The following ZNF212 variants were observed in gnomAD, a reference collection of about 807,000 sequenced individuals.
The protein encoded by ZNF212 is Zinc finger protein C2H2-150.
A neutral mutation model predicts 47.3 loss-of-function variants in ZNF212; 32 were observed. That is an observed-to-expected ratio of 0.68 (90% CI 0.51 to 0.91). ZNF212 has a LOEUF of 0.91. ZNF212 is among the 40% of genes least tolerant of loss of function. ZNF212 has a pLI of 0.00. For missense variants in ZNF212, 555 were observed against 622.8 expected (o/e 0.89, Z 1.16); for synonymous variants, 242 against 253.8 (o/e 0.95, Z 0.44).
In ZNF212 at chr7:149,251,568, G is replaced by T. The variant is rs574888999; in HGVS notation, c.541+761G>T. ...AGTGGTACGATCTCGGCTCACTGCA[G>T]CCTTGACAGCTTGGGCTCAAATGAT... On this transcript the variant is annotated intron_variant, in intron 3 of 4. Transcript: ENST00000335870. Among the ~76,000 whole-genome samples the T allele has an allele frequency of 2.1e-5, 3 of 141,162 alleles. No individual in the cohort carries two copies. The South Asian group carries it at 6.7e-4, about 31-fold the overall frequency. 92.6% of individuals were successfully genotyped at this position (141,162 alleles called of 152,430 possible). A position where few individuals can be genotyped will look rare whatever the true frequency, so the allele number is the denominator to read the frequency against.
intron 3 of ZNF212, 61 bp downstream of exon 3, chr7:149,250,868 G>A: frequency 6.2e-7 from 1 of 1,603,216 alleles, no homozygotes; most frequent in Non-Finnish European, 8.5e-7. Context: ...CTGGCTGGCA[G>A]CCTGTAATTC....
At chr7:149,240,296 C>T (rs1796568486) in intron 1 of ZNF212, among the ~76,000 whole-genome samples, 1 of 152,188 alleles carries the variant, frequency 6.6e-6, no homozygotes, top group Non-Finnish European at 1.5e-5. Context: ...TTGAAGTCAG[C>T]CTGGGCTGCT....
intron 1 of ZNF212, 49 bp downstream of exon 1, chr7:149,239,851 A>T: frequency 7.9e-7 from 1 of 1,265,026 alleles, no homozygotes; most frequent in Non-Finnish European, 1.0e-6. Flanking sequence ...GGGATGGCGG[A>T]GTCCCCTGCC....
Position 149,250,245 on chromosome 7 carries a change from C to T in ZNF212, c.111C>T (p.Thr37=), listed in dbSNP as rs762014584. 7.6e-5 allele frequency: 122 copies of T among 1,606,162 alleles called. No individual in the cohort carries two copies. The highest frequency in any genetic ancestry group is 3.8e-4 in the Admixed American group (22 of 58,564). Residue 37 remains threonine, a synonymous_variant, in exon 2 of 5, where the codon ACC becomes ACT. Coordinates refer to ENST00000335870, the MANE Select transcript of ZNF212 (RefSeq NM_012256.4). ...ATEKSSYFQT[T]EISLWTVVAA... is the part of the protein sequence containing the mutation. ...AGAAAAGCTCCTATTTTCAGACCAC[C>T]GAGATTTCACTCTGGACGGTGGTGG...
intron 1 of ZNF212, chr7:149,240,082 C>T (rs1406571404): frequency 2.6e-6 from 1 of 385,350 alleles, no homozygotes; most frequent in African/African-American, 2.1e-5. Context: ...ACCCTGCCCA[C>T]ACATTTTCTC....
intron 1 of ZNF212, among the ~76,000 whole-genome samples, chr7:149,245,258 G>A (rs973351306): frequency 6.6e-6 from 1 of 151,736 alleles, no homozygotes; most frequent in African/African-American, 2.4e-5. Flanking sequence ...GGCTGAGGCA[G>A]GAGAATCACT....
At chr7:149,249,712 C>T (rs1796725890) in intron 1 of ZNF212, among the ~76,000 whole-genome samples, 1 of 152,328 alleles carries the variant, frequency 6.6e-6, no homozygotes, top group South Asian at 2.1e-4. Flanking sequence ...ACTGTAGCCT[C>T]AACCTCCTGG....
intron 1 of ZNF212, among the ~76,000 whole-genome samples, chr7:149,243,194 C>G (rs976730565): frequency 6.6e-6 from 1 of 151,976 alleles, no homozygotes; most frequent in Non-Finnish European, 1.5e-5. Context: ...GAAATTGAGA[C>G]CATCCTGGCT....
intron 3 of ZNF212, 88 bp from the exon 4 acceptor site, chr7:149,252,618 C>T (rs562071007): frequency 1.7e-6 from 2 of 1,145,352 alleles, no homozygotes; most frequent in African/African-American, 3.0e-5. Context: ...TCCTCCCTGC[C>T]ATTGGTCATC....
rs140073696 is a variant in ZNF212 at position 149,253,130 on chromosome 7, A to G, written c.631+335A>G. ...AGGCAGTGCAGGAAAAGCACTTGTC[A>G]GTAGGTAATTTGGGAGGTTATGGAG... On this transcript the variant is annotated intron_variant, in intron 4 of 4. Coordinates refer to ENST00000335870, the MANE Select transcript of ZNF212 (RefSeq NM_012256.4). Among the ~76,000 whole-genome samples, 15 of 152,294 alleles carry G rather than the reference A, an allele frequency of 9.8e-5. No individual in the cohort carries two copies. The East Asian group carries it at 2.9e-3, about 29-fold the overall frequency.
chr7:149,252,406 C>G (rs1796772979), intron 3 of ZNF212, among the ~76,000 whole-genome samples: 2 of 152,166 alleles, frequency 1.3e-5, no homozygotes, highest in Admixed American at 1.3e-4. Flanking sequence ...GCTGCACGCA[C>G]ATGGAGAGGC....
rs569595213 is a variant in ZNF212, at chr7:149,241,506, A to C, written c.24+1704A>C. ...AATAACATGAATCTGTCGTTGTAGA[A>C]CTTATTCAAATTGTTCTTGAGCCTG... On this transcript the variant is annotated intron_variant, in intron 1 of 4. Coordinates refer to ENST00000335870, the MANE Select transcript of ZNF212 (RefSeq NM_012256.4). 2.0e-5 allele frequency among the ~76,000 whole-genome samples: 3 copies of C among 152,142 alleles called. No homozygotes were observed. The South Asian group carries it at 6.2e-4, about 32-fold the overall frequency.
chr7:149,250,371 C>G lies in ZNF212; in HGVS notation c.237C>G (p.Cys79Trp). Residue 79 changes from cysteine to tryptophan, a missense_variant, in exon 2 of 5, where the codon TGC becomes TGG. Cys to Trp is a radical substitution (Grantham distance 215). Transcript: ENST00000335870. Reference sequence around the variant, plus strand: ...CAGCCGAGAAGAAGCTGGCTGACTGCGAGAAGATGGCCGTGGAGTTCGGGA... The same window carrying G: ...CAGCCGAGAAGAAGCTGGCTGACTGGGAGAAGATGGCCGTGGAGTTCGGGA... Reference protein sequence around the residue: ...TGTAEKKLADCEKMAVEFGNQ... With the variant: ...TGTAEKKLADWEKMAVEFGNQ... 6.2e-7 allele frequency: 1 copy of G among 1,614,156 alleles called. No homozygotes were observed. Among genetic ancestry groups the G allele is most frequent in the Non-Finnish European group, 8.5e-7 (1 of 1,180,030 alleles).
intron 1 of ZNF212, 98 bp from the exon 2 acceptor site, chr7:149,250,061 A>G (rs1796730385): frequency 8.2e-7 from 1 of 1,222,008 alleles, no homozygotes; most frequent in Non-Finnish European, 1.1e-6. Context: ...TTTTTAATTA[A>G]AAGAAACTAG....
rs369658647 is a variant in ZNF212 at position 149,240,402 on chromosome 7, C to T, written c.24+600C>T. 3.0e-3 allele frequency among the ~76,000 whole-genome samples: 455 copies of T among 151,372 alleles called. 1 individual carries two copies. Among genetic ancestry groups the T allele is most frequent in the African/African-American group, 0.011 (433 of 41,084 alleles). ...CCTTCACCCCCCCCCCAACACCCCCCTCCCAGCCCACCGACCATCCCCATT... is the reference window on the plus strand; with the variant it reads ...CCTTCACCCCCCCCCCAACACCCCCTTCCCAGCCCACCGACCATCCCCATT... On this transcript the variant is annotated intron_variant, in intron 1 of 4. Coordinates refer to ENST00000335870, the MANE Select transcript of ZNF212 (RefSeq NM_012256.4).
rs148835231 is a variant in ZNF212 at position 149,249,532 on chromosome 7, A to G, written c.25-627A>G. On this transcript the variant is annotated intron_variant, in intron 1 of 4. Transcript: ENST00000335870. ...ATGCTAAGCATAAAGCATAGGTAAC[A>G]GAACATACACGCTATAATTTCACTT... 1.1e-4 allele frequency among the ~76,000 whole-genome samples: 17 copies of G among 152,382 alleles called. 2 individuals are homozygous for G. The highest frequency in any genetic ancestry group is 4.1e-4 in the African/African-American group (17 of 41,588).
rs773120350 is a variant in ZNF212 at position 149,253,540 on chromosome 7, G to T, written c.632-19G>T. ...TACTAGAATGTGATCTTTTTTGTTG[G>T]TCTTCTTCCACTTTGCAGCAGGTGG... On this transcript the variant is annotated intron_variant, in intron 4 of 4. Coordinates refer to ENST00000335870, the MANE Select transcript of ZNF212 (RefSeq NM_012256.4). 3.7e-5 allele frequency: 59 copies of T among 1,578,038 alleles called. No homozygotes were observed. Among genetic ancestry groups the T allele is most frequent in the Admixed American group, 3.4e-4 (19 of 55,092 alleles).
At chr7:149,251,814 GA>G (rs1348079810) in intron 3 of ZNF212, among the ~76,000 whole-genome samples, 1 of 150,482 alleles carries the variant, frequency 6.6e-6, no homozygotes, top group Non-Finnish European at 1.5e-5. Flanking sequence ...TAATATTTAA[GA>G]CTATTTGAGA....
Position 149,250,317 on chromosome 7 carries a change from G to T in ZNF212, c.183G>T (p.Arg61=). The change falls in exon 2 of 5, where the codon CGG becomes CGT. Residue 61 remains arginine, a synonymous_variant. Transcript: ENST00000335870. ...AGAAGATGGAGTCCCAGGCTGCCCG[G>T]CTACAGAGCCTGGAGGGGCGCACGG... ...VEKKMESQAA[R]LQSLEGRTGT... The T allele has an allele frequency of 6.2e-7, 1 of 1,614,052 alleles. No individual in the cohort carries two copies. Among genetic ancestry groups the T allele is most frequent in the Non-Finnish European group, 8.5e-7 (1 of 1,180,014 alleles).
Sources: gnomAD v4.1 joint callset for allele counts (sites outside exome capture counted in the v4.1 genomes callset) on GRCh38, gnomAD v4.1.1 for gene constraint, MANE v1.5 for transcripts, NCBI Gene and HGNC (gene_info 2026-07-23, HGNC 2026-07-21) for gene names.